The following LRRTM4 variants were observed in gnomAD, a reference collection of about 807,000 sequenced individuals.
The protein encoded by LRRTM4 is leucine-rich repeat transmembrane neuronal protein 4.
LRRTM4 carries 25 observed loss-of-function variants against 47.6 expected under a neutral mutation model. That is an observed-to-expected ratio of 0.53 (90% CI 0.38 to 0.73). The LOEUF (loss-of-function observed/expected upper bound fraction) is 0.73, where lower values mean the gene tolerates loss of function less well. Ranked by LOEUF, LRRTM4 falls within the 30% of genes least tolerant of loss-of-function variation. The pLI is 0.00. For synonymous variants in LRRTM4, 311 were observed against 269.5 expected (o/e 1.15, Z -1.51); for missense variants, 638 against 713.4 (o/e 0.89, Z 1.20).
At chr2:76,984,668 A>T (rs1676732269) in intron 3 of LRRTM4, among the ~76,000 whole-genome samples, 1 of 152,028 alleles carries the variant, frequency 6.6e-6, no homozygotes, top group Non-Finnish European at 1.5e-5. Flanking sequence ...GGAAGATCAG[A>T]AAAACAACAG....
intron 3 of LRRTM4, among the ~76,000 whole-genome samples, chr2:77,036,307 A>G (rs906528494): frequency 6.6e-6 from 1 of 151,858 alleles, no homozygotes; most frequent in Non-Finnish European, 1.5e-5. Flanking sequence ...ACATTTCTAC[A>G]TAGATATTTT....
intron 3 of LRRTM4, among the ~76,000 whole-genome samples, chr2:76,938,120 T>A (rs1391648588): frequency 1.3e-5 from 2 of 152,140 alleles, no homozygotes; most frequent in Non-Finnish European, 2.9e-5. Flanking sequence ...ATGAAAAAAA[T>A]TCTACTGATT....
At chr2:76,908,026 CAG>C (rs1673911013) in intron 3 of LRRTM4, among the ~76,000 whole-genome samples, 1 of 151,766 alleles carries the variant, frequency 6.6e-6, no homozygotes, top group South Asian at 2.1e-4. Flanking sequence ...CAAAGCTGGG[CAG>C]AGACACAGCC....
chr2:77,099,192 A>G (rs1049265804), intron 3 of LRRTM4, among the ~76,000 whole-genome samples: 1 of 152,006 alleles, frequency 6.6e-6, no homozygotes, highest in Non-Finnish European at 1.5e-5. Flanking sequence ...CATCTAAAAT[A>G]GTATTAATTA....
chr2:77,316,255 T>C (rs1362080044), intron 3 of LRRTM4, among the ~76,000 whole-genome samples: 1 of 152,160 alleles, frequency 6.6e-6, no homozygotes, highest in Non-Finnish European at 1.5e-5. Flanking sequence ...GGAGATAATA[T>C]ATGTAAAGCA....
At chr2:76,809,985 G>A (rs1670685251) in intron 3 of LRRTM4, among the ~76,000 whole-genome samples, 1 of 152,090 alleles carries the variant, frequency 6.6e-6, no homozygotes, top group Non-Finnish European at 1.5e-5. Context: ...CATCAGCTGT[G>A]ACTTGTTCTC....
chr2:77,286,050 T>G (rs1301935638), intron 3 of LRRTM4, among the ~76,000 whole-genome samples: 1 of 152,140 alleles, frequency 6.6e-6, no homozygotes, highest in Non-Finnish European at 1.5e-5. Context: ...GCACTGAATA[T>G]GGCCACTGAA....
chr2:76,832,934 T>C lies in LRRTM4; in HGVS notation c.1552-84018A>G, dbSNP rs575738398. On this transcript the variant is annotated intron_variant, in intron 3 of 3. Transcript: ENST00000409884. ...GACCCAGAGGAATTATGCTACCAAATTGTCCATGTTGAGAAGGAGAGTATG... is the reference window on the plus strand; with the variant it reads ...GACCCAGAGGAATTATGCTACCAAACTGTCCATGTTGAGAAGGAGAGTATG... Among the ~76,000 whole-genome samples, 11 of 152,162 alleles carry C rather than the reference T, an allele frequency of 7.2e-5. 2 individuals carry two copies. The Middle Eastern group carries it at 0.02, about 282-fold the overall frequency.
chr2:76,959,212 G>A (rs1675773145), intron 3 of LRRTM4, among the ~76,000 whole-genome samples: 1 of 151,554 alleles, frequency 6.6e-6, no homozygotes, highest in Non-Finnish European at 1.5e-5. Flanking sequence ...GATAGTCTTG[G>A]TAAGATGTCA....
At chr2:77,054,546 T>C (rs1679541303) in intron 3 of LRRTM4, among the ~76,000 whole-genome samples, 1 of 152,120 alleles carries the variant, frequency 6.6e-6, no homozygotes. Flanking sequence ...GTAAATGGAG[T>C]AAACATAGCT....
At chr2:76,899,938 G>A (rs1413674294) in intron 3 of LRRTM4, among the ~76,000 whole-genome samples, 1 of 152,094 alleles carries the variant, frequency 6.6e-6, no homozygotes, top group South Asian at 2.1e-4. Context: ...CTGAATATAT[G>A]CTAGTAGACA....
At chr2:76,997,377 C>A (rs773066520) in intron 3 of LRRTM4, among the ~76,000 whole-genome samples, 1 of 151,946 alleles carries the variant, frequency 6.6e-6, no homozygotes, top group Non-Finnish European at 1.5e-5. Context: ...ATTTAAAAAT[C>A]TCTTATTTGC....
chr2:77,190,167 T>C (rs1051615910), intron 3 of LRRTM4, among the ~76,000 whole-genome samples: 1 of 152,096 alleles, frequency 6.6e-6, no homozygotes, highest in Non-Finnish European at 1.5e-5. Flanking sequence ...TCAATAAGAT[T>C]TTATTCTTAG....
At chr2:77,111,393 C>T (rs1218941963) in intron 3 of LRRTM4, among the ~76,000 whole-genome samples, 1 of 151,022 alleles carries the variant, frequency 6.6e-6, no homozygotes, top group Non-Finnish European at 1.5e-5. Context: ...TCCCAAAGTG[C>T]TGGTGTTACA....
intron 3 of LRRTM4, among the ~76,000 whole-genome samples, chr2:76,986,542 G>A (rs1676803347): frequency 6.6e-6 from 1 of 151,842 alleles, no homozygotes; most frequent in African/African-American, 2.4e-5. Flanking sequence ...TAACTAATGT[G>A]GCTAATCTGA....
At chr2:76,842,045 A>G (rs915226012) in intron 3 of LRRTM4, among the ~76,000 whole-genome samples, 3 of 152,188 alleles carry the variant, frequency 2.0e-5, no homozygotes, top group Non-Finnish European at 2.9e-5. Context: ...GGGTGTGTCT[A>G]TGAGGCTGTT....
intron 3 of LRRTM4, among the ~76,000 whole-genome samples, chr2:77,343,718 G>T (rs1671459251): frequency 6.6e-6 from 1 of 151,870 alleles, no homozygotes; most frequent in Admixed American, 6.6e-5. Context: ...GTTGTGAAAA[G>T]CTGATATGTT....
intron 3 of LRRTM4, among the ~76,000 whole-genome samples, chr2:77,308,567 T>G (rs1197376323): frequency 6.6e-6 from 1 of 152,164 alleles, no homozygotes; most frequent in Non-Finnish European, 1.5e-5. Flanking sequence ...TAAGCCTGTA[T>G]GTATTCTTCC....
intron 3 of LRRTM4, among the ~76,000 whole-genome samples, chr2:76,827,565 T>C (rs952383364): frequency 1.3e-5 from 2 of 151,882 alleles, no homozygotes; most frequent in African/African-American, 4.8e-5. Context: ...ATGTATTTCA[T>C]AGCATTGAAA....
Sources: gnomAD v4.1 joint callset for allele counts (sites outside exome capture counted in the v4.1 genomes callset) on GRCh38, gnomAD v4.1.1 for gene constraint, MANE v1.5 for transcripts, NCBI Gene and HGNC (gene_info 2026-07-23, HGNC 2026-07-21) for gene names.